Variants in PDE3A observed in about 807,000 individuals in gnomAD.
PDE3A encodes phosphodiesterase 3A.
PDE3A carries 43 observed loss-of-function variants against 98.3 expected under a neutral mutation model. The observed-to-expected ratio is 0.44, with a 90% confidence interval of 0.34 to 0.56. The LOEUF (loss-of-function observed/expected upper bound fraction) is 0.56. PDE3A is among the 20% of genes least tolerant of loss of function. The pLI is 0.01. For missense variants in PDE3A, 1,427 were observed against 1,440.7 expected (o/e 0.99, Z 0.15); for synonymous variants, 663 against 567.9 (o/e 1.17, Z -2.38).
chr12:20,508,512 G>C (rs1027881967), intron 1 of PDE3A, among the ~76,000 whole-genome samples: 1 of 151,080 alleles, frequency 6.6e-6, no homozygotes, highest in Non-Finnish European at 1.5e-5. Flanking sequence ...GGAATGATTT[G>C]AGTAAACAGC....
intron 2 of PDE3A, among the ~76,000 whole-genome samples, chr12:20,569,817 T>C (rs1720131041): frequency 6.6e-6 from 1 of 152,170 alleles, no homozygotes; most frequent in Non-Finnish European, 1.5e-5. Flanking sequence ...TTTAAGAATC[T>C]GGATTGACGT....
chr12:20,674,842 G>A (rs1043404589), intron 15 of PDE3A, among the ~76,000 whole-genome samples: 3 of 151,342 alleles, frequency 2.0e-5, no homozygotes, highest in African/African-American at 4.8e-5. Flanking sequence ...CATTTTTCTT[G>A]GTTAGTCTAG....
At chr12:20,376,211 G>T (rs376834033) in intron 1 of PDE3A, among the ~76,000 whole-genome samples, 2 of 151,840 alleles carry the variant, frequency 1.3e-5, no homozygotes, top group Non-Finnish European at 2.9e-5. Context: ...TTCTGAAAAG[G>T]CTGTAGTTAG....
intron 1 of PDE3A, among the ~76,000 whole-genome samples, chr12:20,404,197 T>C (rs2120675770): frequency 6.6e-6 from 1 of 152,318 alleles, no homozygotes; most frequent in Admixed American, 6.5e-5. Context: ...TGCTGATTTC[T>C]TAAGCCCCAT....
At chr12:20,567,129 G>GT (rs1323295139) in intron 2 of PDE3A, among the ~76,000 whole-genome samples, 1 of 151,900 alleles carries the variant, frequency 6.6e-6, no homozygotes, top group African/African-American at 2.4e-5. Flanking sequence ...AGCCAGTTTT[G>GT]TTTTATAGTG....
intron 1 of PDE3A, among the ~76,000 whole-genome samples, chr12:20,546,535 G>C (rs1216327142): frequency 6.6e-6 from 1 of 152,058 alleles, no homozygotes; most frequent in Non-Finnish European, 1.5e-5. Flanking sequence ...ATGCTGCAGA[G>C]AGCAAATATA....
chr12:20,604,995 C>T (rs566944743), intron 2 of PDE3A, among the ~76,000 whole-genome samples: 1 of 152,218 alleles, frequency 6.6e-6, no homozygotes, highest in South Asian at 2.1e-4. Flanking sequence ...CTTTTTGAAT[C>T]TTTATAGTTG....
chr12:20,482,607 C>T (rs1945651342), intron 1 of PDE3A, among the ~76,000 whole-genome samples: 1 of 152,168 alleles, frequency 6.6e-6, no homozygotes, highest in South Asian at 2.1e-4. Context: ...CTAAGTATGT[C>T]TGACTGTTTT....
chr12:20,371,487 C>G, intron 1 of PDE3A: 48 of 977,320 alleles, frequency 4.9e-5, no homozygotes, highest in Non-Finnish European at 5.6e-5. Context: ...TAAGCTTTTT[C>G]TTTTTAGGTT....
Position 20,636,319 on chromosome 12 carries a change from GGCT to G in PDE3A, c.2002-777_2002-775del, listed in dbSNP as rs1664193388. On this transcript the variant is annotated intron_variant, in intron 8 of 15. Transcript: ENST00000359062. Reference sequence around the variant, plus strand: ...TGTTGACTCTCAAGTGATCATCAATGGCTGCTATTATCATTTTTCTTTTACTGT... The same window carrying G: ...TGTTGACTCTCAAGTGATCATCAATGGCTATTATCATTTTTCTTTTACTGT... 3.3e-5 allele frequency among the ~76,000 whole-genome samples: 5 copies of G among 152,134 alleles called. No homozygotes were observed. In the South Asian group the frequency reaches 1.0e-3, roughly 31 times the overall value.
rs549473433 is a variant in PDE3A, at chr12:20,517,997, G to A, written c.961-38663G>A. Among the ~76,000 whole-genome samples, 3 of 152,308 alleles carry A rather than the reference G, an allele frequency of 2.0e-5. No homozygotes were observed. In the East Asian group the frequency reaches 5.8e-4, roughly 29 times the overall value. On this transcript the variant is annotated intron_variant, in intron 1 of 15. Transcript: ENST00000359062. ...TTTTGAGAAACACTGACTGTGCTAT[G>A]TTCTTTTCTGGAGACAGACAGGGAC...
chr12:20,530,114 C>T (rs1393806906), intron 1 of PDE3A, among the ~76,000 whole-genome samples: 1 of 152,098 alleles, frequency 6.6e-6, no homozygotes, highest in African/African-American at 2.4e-5. Context: ...AAAATAAAAA[C>T]TCAAACTTGA....
intron 1 of PDE3A, among the ~76,000 whole-genome samples, chr12:20,462,219 G>A (rs1490492042): frequency 5.3e-5 from 8 of 152,136 alleles, no homozygotes; most frequent in East Asian, 3.9e-4. Context: ...GGCCAGGCGC[G>A]GTGGCTTATG....
intron 1 of PDE3A, among the ~76,000 whole-genome samples, chr12:20,553,916 G>A (rs1294169776): frequency 6.6e-6 from 1 of 151,630 alleles, no homozygotes; most frequent in Admixed American, 6.6e-5. Flanking sequence ...CTTGGGAACC[G>A]TTTGAGCCTT....
chr12:20,379,919 T>C (rs1188617093), intron 1 of PDE3A, among the ~76,000 whole-genome samples: 1 of 151,714 alleles, frequency 6.6e-6, no homozygotes, highest in African/African-American at 2.4e-5. Context: ...CAACTGAAAA[T>C]AACCAAAGCT....
intron 15 of PDE3A, among the ~76,000 whole-genome samples, chr12:20,669,147 G>A (rs1404144931): frequency 6.6e-6 from 1 of 152,006 alleles, no homozygotes; most frequent in Non-Finnish European, 1.5e-5. Context: ...GAAGTGTAGA[G>A]AAAAAAGAAT....
Position 20,629,959 on chromosome 12 carries a change from A to G in PDE3A, c.1592A>G (p.Gln531Arg), listed in dbSNP as rs1592129254. 6.2e-7 allele frequency: 1 copy of G among 1,613,976 alleles called. No homozygotes were observed. The highest frequency in any genetic ancestry group is 1.1e-5 in the South Asian group (1 of 91,076). ...TCATCGCCCTGCTCCTCACCTCTCCAAGGGACTCCTGCCAGCAGCCTGGTC... is the reference window on the plus strand; with the variant it reads ...TCATCGCCCTGCTCCTCACCTCTCCGAGGGACTCCTGCCAGCAGCCTGGTC... Reference protein sequence around the residue: ...PLSSPCSSPLQGTPASSLVSK... With the variant: ...PLSSPCSSPLRGTPASSLVSK... Residue 531 changes from glutamine (Q) to arginine (R), a missense_variant, in exon 6 of 16, where the codon CAA becomes CGA. This residue lies in a region of PDE3A where 1,012 missense variants were observed against 886.5 expected (regional missense o/e 1.14). Transcript: ENST00000359062.
Position 20,552,645 on chromosome 12 carries a change from G to T in PDE3A, c.961-4015G>T. 6.2e-7 allele frequency: 1 copy of T among 1,613,940 alleles called. No individual in the cohort carries two copies. Among genetic ancestry groups the T allele is most frequent in the Non-Finnish European group, 8.5e-7 (1 of 1,179,844 alleles). The stretch of plus-strand genomic sequence containing the variant: ...GGACATCCAAGAAAACCAAGGTGGA[G>T]CCCTACAGTCTCACGGCCCAGCAGA... On this transcript the variant is annotated intron_variant, in intron 1 of 15. Transcript: ENST00000359062. This position sits in a 1 kb window ranked among gnomAD's most constrained non-coding sequence, Gnocchi z 5.1.
intron 2 of PDE3A, among the ~76,000 whole-genome samples, chr12:20,590,758 T>C (rs993085546): frequency 6.6e-6 from 1 of 152,104 alleles, no homozygotes. Flanking sequence ...TACAAAGATA[T>C]GCAGATAGAA....
Sources: allele counts gnomAD v4.1 joint callset (sites outside exome capture counted in the v4.1 genomes callset), GRCh38; gene constraint gnomAD v4.1.1; regional missense constraint gnomAD v4.1.1; non-coding constraint Gnocchi (gnomAD v3.1); transcripts MANE v1.5; gene names NCBI Gene and HGNC (gene_info 2026-07-23, HGNC 2026-07-21).